Variants in WDR33 observed in about 807,000 individuals in gnomAD.
WDR33 encodes the protein pre-mRNA 3' end processing protein WDR33.
WDR33 carries 47 observed loss-of-function variants against 164.9 expected under a neutral mutation model. That is an observed-to-expected ratio of 0.29 (90% CI 0.23 to 0.36). The LOEUF (loss-of-function observed/expected upper bound fraction) is 0.36, where lower values mean the gene tolerates loss of function less well. Ranked by LOEUF, WDR33 falls within the 10% of genes least tolerant of loss-of-function variation. The pLI is 1.00. For missense variants in WDR33, 1,137 were observed against 1,754.1 expected (o/e 0.65, Z 6.28); for synonymous variants, 505 against 589.0 (o/e 0.86, Z 2.06).
rs1238353409 is a variant in WDR33, at chr2:127,764,885, G to A, written c.569C>T (p.Ser190Leu). Reference protein sequence around the residue: ...DHGGYVKYWQSNMNNVKMFQA... With the variant: ...DHGGYVKYWQLNMNNVKMFQA... ...GAACATCTTGACGTTGTTCATGTTC[G>A]ACTGCCAATATTTCACATATCCTCC... Residue 190 changes from serine (S) to leucine (L), a missense_variant, in exon 6 of 22, where the codon TCG becomes TTG. Physicochemically the swap from Ser to Leu is moderately radical, Grantham distance 145 (BLOSUM62 -2). Around this residue, in one of 9 missense-constraint regions of WDR33, gnomAD observed 10 missense variants for 87.7 expected, o/e 0.11. Coordinates refer to ENST00000322313, the MANE Select transcript of WDR33 (RefSeq NM_018383.5). The surrounding 1 kb of genome is among the most constrained non-coding windows in gnomAD (Gnocchi z 6.2). 2 of 1,614,072 alleles carry A rather than the reference G, an allele frequency of 1.2e-6. No homozygotes were observed. Among genetic ancestry groups the A allele is most frequent in the Non-Finnish European group, 1.7e-6 (2 of 1,180,018 alleles).
At chr2:127,744,058 T>TA (rs932654720) in intron 7 of WDR33, among the ~76,000 whole-genome samples, 37 of 152,232 alleles carry the variant, frequency 2.4e-4, no homozygotes, top group African/African-American at 8.7e-4. Flanking sequence ...TAGTGATTTT[T>TA]AAAAATAAGG....
Position 127,717,411 on chromosome 2 carries a change from G to A in WDR33, c.2761-148C>T, listed in dbSNP as rs1032508224. 2.5e-5 allele frequency: 16 copies of A among 637,418 alleles called. No homozygotes were observed. 39.5% of individuals were successfully genotyped at this position (637,418 alleles called of 1,614,324 possible). ...AACATTGTCCTTAAATCAGGAGAAA[G>A]GAGATACTTCTTTTACTATAATAAT... is the stretch of plus-strand genomic sequence containing the variant. On this transcript the variant is annotated intron_variant, in intron 16 of 21. Transcript: ENST00000322313. This position sits in a 1 kb window ranked among gnomAD's most constrained non-coding sequence, Gnocchi z 5.6.
rs746822845 is a variant in WDR33 at position 127,722,677 on chromosome 2, T to C, written c.1432A>G (p.Met478Val). 1.2e-5 allele frequency: 20 copies of C among 1,614,142 alleles called. No individual in the cohort carries two copies. The highest frequency in any genetic ancestry group is 1.6e-5 in the Non-Finnish European group (19 of 1,180,010). Reference sequence around the variant, plus strand: ...TGATCCTTTTGCATCACTTCCTCCATTCCCCAATCTAAACCTGGAATTGTC... The same window carrying C: ...TGATCCTTTTGCATCACTTCCTCCACTCCCCAATCTAAACCTGGAATTGTC... ...EMTIPGLDWG[M>V]EEVMQKDQKK... The change falls in exon 14 of 22, where the codon ATG (methionine) becomes GTG (valine). Residue 478 changes from methionine (M) to valine (V), a missense_variant. Physicochemically the swap from Met to Val is conservative, Grantham distance 21. Around this residue, in one of 9 missense-constraint regions of WDR33, gnomAD observed 75 missense variants for 124.7 expected, o/e 0.60. Coordinates refer to ENST00000322313, the MANE Select transcript of WDR33 (RefSeq NM_018383.5). The surrounding 1 kb of genome is among the most constrained non-coding windows in gnomAD (Gnocchi z 5.1).
Position 127,701,647 on chromosome 2 carries a change from CGGA to C in WDR33, c.*4673_*4675del, listed in dbSNP as rs1685883576. Reference sequence around the variant, plus strand: ...GCGGAGGAGCCCGGGGACCGGCCGGCGGAGGAGTGGCTGGGCCGCGCGGGCTTG... The same window carrying C: ...GCGGAGGAGCCCGGGGACCGGCCGGCGGAGTGGCTGGGCCGCGCGGGCTTG... On this transcript the variant is annotated 3_prime_UTR_variant, in exon 22 of 22. Coordinates refer to ENST00000322313, the MANE Select transcript of WDR33 (RefSeq NM_018383.5). 7.7e-7 allele frequency: 1 copy of C among 1,299,664 alleles called. No homozygotes were observed. The highest frequency in any genetic ancestry group is 9.7e-7 in the Non-Finnish European group (1 of 1,027,942). The allele number at this position is 1,299,664 out of a possible 1,614,324, so 80.5% of individuals were successfully genotyped here.
At position 127,721,839 on chromosome 2, in the gene WDR33, C is replaced by T. The variant is rs1299453207; in HGVS notation, c.1668G>A (p.Leu556=). The change falls in exon 15 of 22, where the codon CTG becomes CTA. Residue 556 remains leucine (L), a synonymous_variant. Coordinates refer to ENST00000322313, the MANE Select transcript of WDR33 (RefSeq NM_018383.5). This position sits in a 1 kb window ranked among gnomAD's most constrained non-coding sequence, Gnocchi z 4.9. The stretch of plus-strand genomic sequence containing the variant: ...CCCCCTACAGAGCTTCACACACCTC[C>T]AGAAGTTGTGGGTTAGTATATTGTA... ...ATLQYTNPQL[L]EQLKIERLAQ... is the part of the protein sequence containing the mutation. 1 of 1,610,334 alleles carries T rather than the reference C, an allele frequency of 6.2e-7. No individual in the cohort carries two copies. Among genetic ancestry groups the T allele is most frequent in the Non-Finnish European group, 8.5e-7 (1 of 1,178,956 alleles).
At position 127,701,665 on chromosome 2, in the gene WDR33, G is replaced by A. The variant is rs1380954139; in HGVS notation, c.*4658C>T. On this transcript the variant is annotated 3_prime_UTR_variant, in exon 22 of 22. Transcript: ENST00000322313. ...CGGCCGGCGGAGGAGTGGCTGGGCC[G>A]CGCGGGCTTGCGCTGGACGTGGGCG... is the stretch of plus-strand genomic sequence containing the variant. 2 of 1,276,446 alleles carry A rather than the reference G, an allele frequency of 1.6e-6. No homozygotes were observed. The highest frequency in any genetic ancestry group is 2.0e-6 in the Non-Finnish European group (2 of 1,016,024). The allele number at this position is 1,276,446 out of a possible 1,614,324, so 79.1% of individuals were successfully genotyped here.
At chr2:127,752,177 T>A (rs796867853) in intron 7 of WDR33, among the ~76,000 whole-genome samples, 2 of 152,370 alleles carry the variant, frequency 1.3e-5, no homozygotes, top group Admixed American at 6.5e-5. Flanking sequence ...AGCTATCACT[T>A]GTTCATCCAA....
Position 127,735,315 on chromosome 2 carries a change from C to T in WDR33, c.725-8538G>A. On this transcript the variant is annotated intron_variant, in intron 7 of 21. Coordinates refer to ENST00000322313, the MANE Select transcript of WDR33 (RefSeq NM_018383.5). This position sits in a 1 kb window ranked among gnomAD's most constrained non-coding sequence, Gnocchi z 4.3. Reference sequence around the variant, plus strand: ...TCATCAGATCCTAAGGAACCTGTTACCCCAAGCCCCTAAATAACCTGTCTT... The same window carrying T: ...TCATCAGATCCTAAGGAACCTGTTATCCCAAGCCCCTAAATAACCTGTCTT... 2.1e-6 allele frequency: 2 copies of T among 933,492 alleles called. No homozygotes were observed. The highest frequency in any genetic ancestry group is 1.2e-4 in the East Asian group (1 of 8,546). The allele number at this position is 933,492 out of a possible 1,614,324, so 57.8% of individuals were successfully genotyped here. A position where few individuals can be genotyped will look rare whatever the true frequency, so the allele number is the denominator to read the frequency against.
chr2:127,765,362 C>CA, intron 4 of WDR33, 93 bp from the exon 5 acceptor site: 1 of 860,570 alleles, frequency 1.2e-6, no homozygotes. Context: ...CAATAACTGA[C>CA]ATTAAATAAT....
intron 1 of WDR33, among the ~76,000 whole-genome samples, chr2:127,776,816 G>A (rs1688198872): frequency 6.6e-6 from 1 of 152,344 alleles, no homozygotes; most frequent in South Asian, 2.1e-4. Context: ...CCTCAAACAA[G>A]TCATTACAAC....
At chr2:127,752,268 C>T (rs74418228) in intron 7 of WDR33, among the ~76,000 whole-genome samples, 2 of 152,186 alleles carry the variant, frequency 1.3e-5, no homozygotes, top group African/African-American at 4.8e-5. Context: ...TCTTACCCCC[C>T]AAAAAACTAA....
At chr2:127,801,533 A>G (rs1689243810) in intron 1 of WDR33, among the ~76,000 whole-genome samples, 1 of 151,976 alleles carries the variant, frequency 6.6e-6, no homozygotes, top group Admixed American at 6.6e-5. Flanking sequence ...AAAAAAAAAA[A>G]AAACAGTACA....
chr2:127,744,580 G>A (rs1428625541), intron 7 of WDR33, among the ~76,000 whole-genome samples: 1 of 152,162 alleles, frequency 6.6e-6, no homozygotes, highest in Non-Finnish European at 1.5e-5. Context: ...ACAGAACAGT[G>A]CTTACCTCTG....
rs769039049 is a variant in WDR33, at chr2:127,723,323, T to C, written c.1221A>G (p.Pro407=). ...TATATCGATCTCGCATTTTATCACC[T>C]GGTCGGTTTCGAGTCCAGAATTTGC... is the stretch of plus-strand genomic sequence containing the variant. The part of the protein sequence containing the change: ...HTSKFWTRNR[P]GDKMRDRYNL... Residue 407 remains proline, a synonymous_variant, in exon 12 of 22, where the codon CCA becomes CCG. Transcript: ENST00000322313. This position sits in a 1 kb window ranked among gnomAD's most constrained non-coding sequence, Gnocchi z 5.9. 3 of 1,614,050 alleles carry C rather than the reference T, an allele frequency of 1.9e-6. No individual in the cohort carries two copies. Among genetic ancestry groups the C allele is most frequent in the Non-Finnish European group, 2.5e-6 (3 of 1,180,002 alleles).
intron 17 of WDR33, among the ~76,000 whole-genome samples, chr2:127,715,972 A>C (rs1390532567): frequency 6.6e-6 from 1 of 152,128 alleles, no homozygotes; most frequent in Non-Finnish European, 1.5e-5. Flanking sequence ...GGAAAGAGCA[A>C]GGATGAGAGG....
chr2:127,796,376 T>C (rs1476679464), intron 1 of WDR33, among the ~76,000 whole-genome samples: 1 of 151,840 alleles, frequency 6.6e-6, no homozygotes, highest in African/African-American at 2.4e-5. Flanking sequence ...ACCTGGCTGT[T>C]AATTTTCTCA....
At chr2:127,805,949 TAA>T (rs36092212) in intron 1 of WDR33, among the ~76,000 whole-genome samples, 19 of 135,996 alleles carry the variant, frequency 1.4e-4, no homozygotes, top group Non-Finnish European at 1.6e-4. Flanking sequence ...AACTTTTGTT[TAA>T]AAAAAAAAAA....
Position 127,738,060 on chromosome 2 carries a change from A to G in WDR33, c.725-11283T>C, listed in dbSNP as rs758249037. 1 of 1,612,732 alleles carries G rather than the reference A, an allele frequency of 6.2e-7. No individual in the cohort carries two copies. The highest frequency in any genetic ancestry group is 8.5e-7 in the Non-Finnish European group (1 of 1,179,394). On this transcript the variant is annotated intron_variant, in intron 7 of 21. Transcript: ENST00000322313. This position sits in a 1 kb window ranked among gnomAD's most constrained non-coding sequence, Gnocchi z 4.4. ...GCAGTGATGAAAACATGTATCTATCAAAACAAGAAGGGTGCATGAACTCTT... is the reference window on the plus strand; with the variant it reads ...GCAGTGATGAAAACATGTATCTATCGAAACAAGAAGGGTGCATGAACTCTT...
At chr2:127,725,605 A>C (rs1686550944) in intron 8 of WDR33, among the ~76,000 whole-genome samples, 1 of 152,096 alleles carries the variant, frequency 6.6e-6, no homozygotes, top group South Asian at 2.1e-4. Context: ...GTGATGGCGC[A>C]TGCCTGTAGT....
Sources: allele counts gnomAD v4.1 joint callset (sites outside exome capture counted in the v4.1 genomes callset), GRCh38; gene constraint gnomAD v4.1.1; regional missense constraint gnomAD v4.1.1; non-coding constraint Gnocchi (gnomAD v3.1); transcripts MANE v1.5; gene names NCBI Gene and HGNC (gene_info 2026-07-23, HGNC 2026-07-21).